Variants in SPOCK3 observed in about 807,000 individuals in gnomAD.
SPOCK3 encodes SPARC (osteonectin), cwcv and kazal like domains proteoglycan 3.
A neutral mutation model predicts 56.6 loss-of-function variants in SPOCK3; 30 were observed. That is an observed-to-expected ratio of 0.53 (90% CI 0.40 to 0.72). The LOEUF is 0.72. SPOCK3 is among the 30% of genes least tolerant of loss of function. The probability of loss-of-function intolerance (pLI) is 0.00; values close to 1 mark genes in which losing one functional copy is unlikely to be tolerated. For synonymous variants in SPOCK3, 196 were observed against 183.3 expected, an observed-to-expected ratio of 1.07 and a Z score of -0.56; for missense variants, 527 against 530.0, an observed-to-expected ratio of 0.99 and a Z score of 0.06.
chr4:166,874,431 G>A (rs988213612), intron 6 of SPOCK3, among the ~76,000 whole-genome samples: 33 of 152,286 alleles, frequency 2.2e-4, no homozygotes, highest in African/African-American at 7.9e-4. Flanking sequence ...AAAAATATAG[G>A]TCTTTGATAA....
intron 6 of SPOCK3, among the ~76,000 whole-genome samples, chr4:166,840,286 T>C (rs1458677577): frequency 2.0e-5 from 3 of 152,190 alleles, no homozygotes; most frequent in Non-Finnish European, 4.4e-5. Context: ...ATAGTTGAGG[T>C]GCTTCACAAT....
intron 7 of SPOCK3, among the ~76,000 whole-genome samples, chr4:166,768,645 G>A (rs1019790250): frequency 6.6e-6 from 1 of 152,110 alleles, no homozygotes; most frequent in African/African-American, 2.4e-5. Flanking sequence ...AAACTTTGAT[G>A]AATCTGATAA....
chr4:166,745,102 G>C (rs1693962841), intron 8 of SPOCK3, among the ~76,000 whole-genome samples: 1 of 152,098 alleles, frequency 6.6e-6, no homozygotes, highest in Admixed American at 6.5e-5. Flanking sequence ...AACCTAGCAA[G>C]GTAGGCCAAC....
intron 8 of SPOCK3, among the ~76,000 whole-genome samples, chr4:166,749,424 G>A (rs2126459721): frequency 6.6e-6 from 1 of 151,598 alleles, no homozygotes; most frequent in East Asian, 1.9e-4. Flanking sequence ...ACTCATAGGT[G>A]GGAATTGAAC....
chr4:167,176,809 T>C (rs1187557316), intron 2 of SPOCK3, among the ~76,000 whole-genome samples: 1 of 152,082 alleles, frequency 6.6e-6, no homozygotes, highest in Non-Finnish European at 1.5e-5. Flanking sequence ...CTGCTCCATA[T>C]GGAGACAAGG....
At chr4:167,223,270 A>G (rs909937690) in intron 2 of SPOCK3, among the ~76,000 whole-genome samples, 4 of 142,642 alleles carry the variant, frequency 2.8e-5, no homozygotes, top group African/African-American at 1.0e-4. Context: ...GTATATATTC[A>G]TTTATAAATA....
At chr4:167,006,511 T>C (rs1049110638) in intron 3 of SPOCK3, among the ~76,000 whole-genome samples, 1 of 152,188 alleles carries the variant, frequency 6.6e-6, no homozygotes, top group African/African-American at 2.4e-5. Context: ...TTCATTCTTA[T>C]GCTTACATAT....
intron 6 of SPOCK3, among the ~76,000 whole-genome samples, chr4:166,857,521 T>C (rs1295879471): frequency 6.6e-6 from 1 of 152,178 alleles, no homozygotes; most frequent in Non-Finnish European, 1.5e-5. Context: ...TCCCAGTGTG[T>C]CTTGGACCCA....
At chr4:167,109,742 C>G (rs1580325680) in intron 2 of SPOCK3, among the ~76,000 whole-genome samples, 1 of 150,112 alleles carries the variant, frequency 6.7e-6, no homozygotes, top group African/African-American at 2.4e-5. Context: ...GAATGAAAAA[C>G]AAGACCTTAA....
intron 2 of SPOCK3, among the ~76,000 whole-genome samples, chr4:167,116,661 CG>C (rs201467244): frequency 0.13 from 8,353 of 64,102 alleles, 886 homozygotes; most frequent in African/African-American, 0.34. Flanking sequence ...CACATATATA[CG>C]TATATAGTAT....
chr4:166,972,544 C>A (rs997659741), intron 4 of SPOCK3, among the ~76,000 whole-genome samples: 1 of 150,962 alleles, frequency 6.6e-6, no homozygotes, highest in Non-Finnish European at 1.5e-5. Context: ...ATTTTCACAT[C>A]GATAGCTCTT....
At chr4:167,063,492 A>G (rs1580174869) in intron 2 of SPOCK3, among the ~76,000 whole-genome samples, 1 of 151,866 alleles carries the variant, frequency 6.6e-6, no homozygotes, top group Middle Eastern at 3.2e-3. Context: ...TTGGAAAGCT[A>G]CAGAAGTTAC....
intron 3 of SPOCK3, among the ~76,000 whole-genome samples, chr4:167,009,684 C>T (rs1389574635): frequency 1.3e-5 from 2 of 151,972 alleles, no homozygotes; most frequent in Non-Finnish European, 2.9e-5. Flanking sequence ...ATCACACACA[C>T]AAAATTGCAA....
At chr4:167,210,137 A>C (rs1023271854) in intron 2 of SPOCK3, among the ~76,000 whole-genome samples, 1 of 152,186 alleles carries the variant, frequency 6.6e-6, no homozygotes, top group African/African-American at 2.4e-5. Context: ...TTGACTCTCT[A>C]TCATTCACAA....
chr4:167,030,337 A>AT, intron 3 of SPOCK3, among the ~76,000 whole-genome samples: 1 of 152,092 alleles, frequency 6.6e-6, no homozygotes, highest in African/African-American at 2.4e-5. Context: ...GATAAACATT[A>AT]TTTTTTATCA....
chr4:167,138,845 A>G (rs1275832462), intron 2 of SPOCK3, among the ~76,000 whole-genome samples: 1 of 152,010 alleles, frequency 6.6e-6, no homozygotes, highest in Non-Finnish European at 1.5e-5. Context: ...AGATATTTTT[A>G]TCTTCTAAAC....
chr4:167,058,596 A>C (rs1300079866), intron 3 of SPOCK3, among the ~76,000 whole-genome samples: 1 of 152,170 alleles, frequency 6.6e-6, no homozygotes, highest in Non-Finnish European at 1.5e-5. Flanking sequence ...TATAGATTCA[A>C]TGCCATCCCC....
chr4:167,213,667 GATCAATTTCAAC>G (rs1735087885), intron 2 of SPOCK3, among the ~76,000 whole-genome samples: 1 of 151,544 alleles, frequency 6.6e-6, no homozygotes, highest in Non-Finnish European at 1.5e-5. Flanking sequence ...TTTCCTCCAT[GATCAATTTCAAC>G]ACCAATTATA....
intron 4 of SPOCK3, among the ~76,000 whole-genome samples, chr4:166,944,554 G>A (rs1023251587): frequency 6.6e-6 from 1 of 151,912 alleles, no homozygotes; most frequent in Non-Finnish European, 1.5e-5. Context: ...CTTGAGGGAG[G>A]GGTGGATTTC....
Sources: allele counts gnomAD v4.1 joint callset (sites outside exome capture counted in the v4.1 genomes callset), GRCh38; gene constraint gnomAD v4.1.1; transcripts MANE v1.5; gene names NCBI Gene and HGNC (gene_info 2026-07-23, HGNC 2026-07-21).